Variants in FAM135B observed in about 807,000 individuals in gnomAD.
FAM135B encodes the protein protein FAM135B.
In FAM135B, 43 loss-of-function variants were observed where a neutral mutation model predicts 127.7. That is an observed-to-expected ratio of 0.34 (90% CI 0.26 to 0.43). FAM135B has a LOEUF of 0.43. Among genes scored for constraint, FAM135B ranks in the 20% least tolerant of loss-of-function variants. FAM135B has a pLI of 1.00. For synonymous variants in FAM135B, 670 were observed against 665.1 expected, an observed-to-expected ratio of 1.01 and a Z score of -0.11; for missense variants, 1,558 against 1,725.6, an observed-to-expected ratio of 0.90 and a Z score of 1.72.
chr8:138,419,073 A>C (rs767026186), intron 1 of FAM135B, among the ~76,000 whole-genome samples: 8 of 152,188 alleles, frequency 5.3e-5, no homozygotes, highest in Non-Finnish European at 8.8e-5. Flanking sequence ...TGGATAAAGA[A>C]GCAAGAAGAC....
chr8:138,253,750 T>C (rs984203694), intron 5 of FAM135B, among the ~76,000 whole-genome samples: 1 of 152,188 alleles, frequency 6.6e-6, no homozygotes, highest in African/African-American at 2.4e-5. Flanking sequence ...AGCTCTTCCG[T>C]CCCTCATATG....
chr8:138,229,550 T>G (rs1342209784), intron 7 of FAM135B, among the ~76,000 whole-genome samples: 1 of 152,124 alleles, frequency 6.6e-6, no homozygotes, highest in Non-Finnish European at 1.5e-5. Context: ...GAGTTATCAC[T>G]GTGGAAAAGG....
At position 138,141,356 on chromosome 8, in the gene FAM135B, A is replaced by T. The variant is rs1222227321; in HGVS notation, c.3639-7T>A. 6.8e-6 allele frequency: 11 copies of T among 1,613,928 alleles called. No homozygotes were observed. The East Asian group carries it at 1.3e-4, about 20-fold the overall frequency. ...AAGAGAATGGCCAATGAAGCTGTGG[A>T]GAAACAGAAGGGGTACCCATGAGTG... On this transcript the variant is annotated splice_polypyrimidine_tract_variant and splice_region_variant and intron_variant, in intron 16 of 19. Transcript: ENST00000395297. The surrounding 1 kb of genome is among the most constrained non-coding windows in gnomAD (Gnocchi z 4.7).
Position 138,137,941 on chromosome 8 carries a change from G to A in FAM135B, c.3902-681C>T, listed in dbSNP as rs117091589. On this transcript the variant is annotated intron_variant, in intron 18 of 19. Coordinates refer to ENST00000395297, the MANE Select transcript of FAM135B (RefSeq NM_015912.4). The stretch of plus-strand genomic sequence containing the variant: ...CCTTCTCATTCCCCAGATCCTGCTG[G>A]GTGGGCGGCTGTCAGCTCTTAGCTA... Among the ~76,000 whole-genome samples the A allele has an allele frequency of 3.9e-3, 590 of 152,294 alleles. 1 individual carries two copies. Among genetic ancestry groups the A allele is most frequent in the South Asian group, 0.015 (72 of 4,832 alleles).
rs753218583 is a variant in FAM135B at position 138,265,710 on chromosome 8, C to A, written c.290G>T (p.Gly97Val). 1 of 1,614,000 alleles carries A rather than the reference C, an allele frequency of 6.2e-7. No homozygotes were observed. Among genetic ancestry groups the A allele is most frequent in the Non-Finnish European group, 8.5e-7 (1 of 1,179,958 alleles). The change falls in exon 4 of 20, where the codon GGT becomes GTT. Residue 97 changes from glycine to valine, a missense_variant. Gly to Val is a moderately radical substitution (Grantham distance 109). Coordinates refer to ENST00000395297, the MANE Select transcript of FAM135B (RefSeq NM_015912.4). ...VVFRVHLLLG[G>V]ERMEDALSEV... is the part of the protein sequence containing the mutation. ...GGTAGATTCATGACTTACCCTTTCA[C>A]CACCCAAGAGTAAATGAACTCGGAA...
chr8:138,315,125 T>A (rs554426879), intron 2 of FAM135B, among the ~76,000 whole-genome samples: 1 of 152,110 alleles, frequency 6.6e-6, no homozygotes, highest in African/African-American at 2.4e-5. Flanking sequence ...GCAGTAATAA[T>A]AATAATAATA....
At chr8:138,431,199 AACTC>A (rs1377428225) in intron 1 of FAM135B, among the ~76,000 whole-genome samples, 1 of 152,210 alleles carries the variant, frequency 6.6e-6, no homozygotes, top group African/African-American at 2.4e-5. Flanking sequence ...CACATTCACT[AACTC>A]ACTCACACTT....
In FAM135B at chr8:138,242,904, T is replaced by C. The variant is rs751744909; in HGVS notation, c.669+38A>G. The C allele has an allele frequency of 8.8e-6, 14 of 1,589,166 alleles. No homozygotes were observed. The South Asian group carries it at 1.6e-4, about 18-fold the overall frequency. On this transcript the variant is annotated intron_variant, in intron 7 of 19. Coordinates refer to ENST00000395297, the MANE Select transcript of FAM135B (RefSeq NM_015912.4). The surrounding 1 kb of genome is among the most constrained non-coding windows in gnomAD (Gnocchi z 9.6). The stretch of plus-strand genomic sequence containing the variant: ...GAACATACACTCTGCAAAGTAAAGT[T>C]TGAAAGTTTTGAAGCAACTGCCCCA...
chr8:138,272,512 C>A (rs1023930165), intron 3 of FAM135B, among the ~76,000 whole-genome samples: 5 of 152,334 alleles, frequency 3.3e-5, no homozygotes, highest in African/African-American at 9.6e-5. Context: ...ATTTAACCTA[C>A]TGAAAATGAG....
At chr8:138,448,476 G>C (rs1316257396) in intron 1 of FAM135B, among the ~76,000 whole-genome samples, 2 of 152,124 alleles carry the variant, frequency 1.3e-5, no homozygotes, top group Non-Finnish European at 2.9e-5. Flanking sequence ...AGTGGACATA[G>C]TTAGCAAGGA....
At chr8:138,166,575 GTTT>G (rs1819947231) in intron 12 of FAM135B, among the ~76,000 whole-genome samples, 1 of 152,130 alleles carries the variant, frequency 6.6e-6, no homozygotes, top group Admixed American at 6.5e-5. Flanking sequence ...AACAGAACCA[GTTT>G]TACCATAGGC....
intron 19 of FAM135B, 90 bp downstream of exon 19, chr8:138,137,057 C>T (rs1047088696): frequency 1.3e-6 from 1 of 746,106 alleles, no homozygotes; most frequent in Admixed American, 1.9e-5. Flanking sequence ...AACCTATAGC[C>T]CAGGTGTTCC....
intron 1 of FAM135B, among the ~76,000 whole-genome samples, chr8:138,485,417 C>T (rs966025378): frequency 8.5e-5 from 13 of 152,174 alleles, no homozygotes; most frequent in Non-Finnish European, 1.6e-4. Flanking sequence ...AATGACAATC[C>T]GCCATCCTCT....
chr8:138,269,152 CT>C (rs967930182), intron 3 of FAM135B, among the ~76,000 whole-genome samples: 12 of 152,328 alleles, frequency 7.9e-5, no homozygotes, highest in Admixed American at 3.3e-4. Flanking sequence ...GTAGTTTCTT[CT>C]TCTCCCCCCA....
chr8:138,221,397 ACT>A lies in FAM135B; in HGVS notation c.669+21543_669+21544del, dbSNP rs1185334143. Reference sequence around the variant, plus strand: ...GGATGGTGCCAAATCATTCATGAGAACTCTGCCCTCATGATCCAATCACCTCT... The same window carrying A: ...GGATGGTGCCAAATCATTCATGAGAACTGCCCTCATGATCCAATCACCTCT... On this transcript the variant is annotated intron_variant, in intron 7 of 19. Transcript: ENST00000395297. 1.4e-4 allele frequency among the ~76,000 whole-genome samples: 22 copies of A among 152,194 alleles called. No homozygotes were observed. The South Asian group carries it at 4.6e-3, about 32-fold the overall frequency.
In FAM135B at chr8:138,151,663, T is replaced by A. The variant is rs2130738041; in HGVS notation, c.2812A>T (p.Ser938Cys). 1 of 1,614,132 alleles carries A rather than the reference T, an allele frequency of 6.2e-7. No individual in the cohort carries two copies. The highest frequency in any genetic ancestry group is 8.5e-7 in the Non-Finnish European group (1 of 1,180,034). The change falls in exon 13 of 20, where the codon AGC becomes TGC. Residue 938 changes from serine (S) to cysteine (C), a missense_variant. Physicochemically the swap from Ser to Cys is moderately radical, Grantham distance 112 (BLOSUM62 -1). Around this residue, in one of 5 missense-constraint regions of FAM135B, gnomAD observed 923 missense variants for 865.3 expected, o/e 1.07. Coordinates refer to ENST00000395297, the MANE Select transcript of FAM135B (RefSeq NM_015912.4). ...GLSQHQVPELSCTSAADAINR... is the reference protein window; with the variant it reads ...GLSQHQVPELCCTSAADAINR... ...ATGGCATCAGCAGCTGACGTACAGC[T>A]CAATTCAGGCACCTGATGTTGAGAG... is the stretch of plus-strand genomic sequence containing the variant.
chr8:138,488,792 A>C (rs941800499), intron 1 of FAM135B, among the ~76,000 whole-genome samples: 3 of 151,976 alleles, frequency 2.0e-5, no homozygotes, highest in African/African-American at 7.3e-5. Context: ...TCAGCTTCCC[A>C]AGTAGCTGGG....
intron 1 of FAM135B, among the ~76,000 whole-genome samples, chr8:138,454,290 G>A (rs1452595068): frequency 6.6e-6 from 1 of 152,174 alleles, no homozygotes; most frequent in East Asian, 1.9e-4. Flanking sequence ...CACGTGAAGT[G>A]GATGACTGGA....
intron 12 of FAM135B, among the ~76,000 whole-genome samples, chr8:138,163,976 G>A (rs1021946167): frequency 3.3e-5 from 5 of 152,122 alleles, no homozygotes; most frequent in African/African-American, 1.2e-4. Flanking sequence ...CTACAGGTGT[G>A]AGCCACCATG....
Sources: gnomAD v4.1 joint callset for allele counts (sites outside exome capture counted in the v4.1 genomes callset) on GRCh38, gnomAD v4.1.1 for gene constraint, gnomAD v4.1.1 regional missense constraint, Gnocchi (gnomAD v3.1) non-coding constraint, MANE v1.5 for transcripts, NCBI Gene and HGNC (gene_info 2026-07-23, HGNC 2026-07-21) for gene names.